ARHGEF26: variants seen among roughly 807,000 people sequenced by gnomAD.
ARHGEF26 encodes Rho guanine nucleotide exchange factor 26, also known as Rho guanine nucleotide exchange factor (GEF) 26.
ARHGEF26 carries 59 observed loss-of-function variants against 89.4 expected under a neutral mutation model. That is an observed-to-expected ratio of 0.66 (90% CI 0.54 to 0.82). The LOEUF is 0.82. Ranked by LOEUF, ARHGEF26 falls within the 40% of genes least tolerant of loss-of-function variation. The pLI, the probability that ARHGEF26 is intolerant of heterozygous loss-of-function variation, is 0.00. For missense variants in ARHGEF26, 1,234 were observed against 1,085.6 expected (o/e 1.14, Z -1.92); for synonymous variants, 500 against 428.4 (o/e 1.17, Z -2.06).
intron 5 of ARHGEF26, among the ~76,000 whole-genome samples, chr3:154,150,334 T>A (rs1324802149): frequency 1.3e-5 from 2 of 152,094 alleles, no homozygotes; most frequent in Non-Finnish European, 2.9e-5. Flanking sequence ...AGGCCTGCAT[T>A]CTCTTCCTCA....
At chr3:154,226,033 T>G (rs745643156) in intron 11 of ARHGEF26, 23 bp downstream of exon 11, 1 of 1,593,124 alleles carries the variant, frequency 6.3e-7, no homozygotes, top group East Asian at 2.3e-5. Flanking sequence ...CTGGTGTTGC[T>G]GACTAGACAT....
intron 10 of ARHGEF26, among the ~76,000 whole-genome samples, chr3:154,219,235 A>G (rs561997804): frequency 2.0e-5 from 3 of 152,276 alleles, no homozygotes; most frequent in Non-Finnish European, 4.4e-5. Context: ...GAAAGATGAA[A>G]AATTCCCTAA....
chr3:154,255,842 T>C lies in ARHGEF26; in HGVS notation c.*369T>C, dbSNP rs1054706718. On this transcript the variant is annotated 3_prime_UTR_variant, in exon 15 of 15. Coordinates refer to ENST00000465093, the MANE Select transcript of ARHGEF26 (RefSeq NM_015595.4). Reference sequence around the variant, plus strand: ...GCATTACTAAGGTGACTGTCTCTCTTTATACATCCTTGTATGGTTCTCCCA... The same window carrying C: ...GCATTACTAAGGTGACTGTCTCTCTCTATACATCCTTGTATGGTTCTCCCA... 8.8e-6 allele frequency: 9 copies of C among 1,024,316 alleles called. No individual in the cohort carries two copies. The highest frequency in any genetic ancestry group is 8.5e-5 in the African/African-American group (5 of 58,612). 63.5% of individuals were successfully genotyped at this position (1,024,316 alleles called of 1,614,324 possible). A position where few individuals can be genotyped will look rare whatever the true frequency, so the allele number is the denominator to read the frequency against.
In ARHGEF26 at chr3:154,202,579, G is replaced by A. The variant is rs1283459155; in HGVS notation, c.1845+7861G>A. On this transcript the variant is annotated intron_variant, in intron 9 of 14. Coordinates refer to ENST00000465093, the MANE Select transcript of ARHGEF26 (RefSeq NM_015595.4). Reference sequence around the variant, plus strand: ...TTGATGGGGATGGCATTGAATCTATGAATTACCTTGGGCAGTATGGCCATT... The same window carrying A: ...TTGATGGGGATGGCATTGAATCTATAAATTACCTTGGGCAGTATGGCCATT... 6.6e-5 allele frequency among the ~76,000 whole-genome samples: 10 copies of A among 152,136 alleles called. No individual in the cohort carries two copies. In the South Asian group the frequency reaches 1.2e-3, roughly 19 times the overall value.
At chr3:154,179,099 T>G (rs1339252590) in intron 6 of ARHGEF26, among the ~76,000 whole-genome samples, 1 of 152,230 alleles carries the variant, frequency 6.6e-6, no homozygotes, top group Non-Finnish European at 1.5e-5. Context: ...TGTTTCATTA[T>G]ACAAGTCAGT....
intron 4 of ARHGEF26, among the ~76,000 whole-genome samples, chr3:154,145,035 A>G (rs1719616018): frequency 2.0e-5 from 3 of 152,206 alleles, no homozygotes; most frequent in African/African-American, 7.2e-5. Context: ...TTGGTTATGC[A>G]GATCTCTGGC....
chr3:154,217,819 G>T, intron 9 of ARHGEF26, 50 bp from the exon 10 acceptor site: 1 of 1,393,708 alleles, frequency 7.2e-7, no homozygotes, highest in Non-Finnish European at 1.0e-6. Context: ...TTTTGAAAGT[G>T]AGGTTTCTCT....
intron 4 of ARHGEF26, among the ~76,000 whole-genome samples, chr3:154,148,531 C>T (rs901485968): frequency 7.9e-5 from 12 of 152,074 alleles, no homozygotes; most frequent in African/African-American, 1.9e-4. Context: ...CTGTGTAGGT[C>T]GCTAAGCCCA....
intron 12 of ARHGEF26, among the ~76,000 whole-genome samples, chr3:154,247,476 G>C (rs762159462): frequency 6.6e-6 from 1 of 152,092 alleles, no homozygotes; most frequent in Non-Finnish European, 1.5e-5. Context: ...TGGCCTCCTA[G>C]CCATTCTCCT....
At chr3:154,242,313 A>G (rs1332868495) in intron 12 of ARHGEF26, among the ~76,000 whole-genome samples, 2 of 152,222 alleles carry the variant, frequency 1.3e-5, no homozygotes, top group African/African-American at 4.8e-5. Context: ...TCATAATTTC[A>G]TGGGAGGAGA....
intron 10 of ARHGEF26, among the ~76,000 whole-genome samples, chr3:154,221,254 T>C (rs1055026181): frequency 6.6e-6 from 1 of 152,064 alleles, no homozygotes; most frequent in African/African-American, 2.4e-5. Flanking sequence ...CAGAGGAAAA[T>C]TGCTAATTGA....
intron 4 of ARHGEF26, among the ~76,000 whole-genome samples, chr3:154,137,520 T>A (rs1719085505): frequency 6.6e-6 from 1 of 152,170 alleles, no homozygotes; most frequent in Non-Finnish European, 1.5e-5. Context: ...GAATTACTAC[T>A]CTAGCTAAGA....
chr3:154,182,315 A>G (rs974885507), intron 6 of ARHGEF26, among the ~76,000 whole-genome samples: 1 of 152,190 alleles, frequency 6.6e-6, no homozygotes, highest in Non-Finnish European at 1.5e-5. Flanking sequence ...AATCTGATGC[A>G]TGAAGGATGA....
Position 154,122,369 on chromosome 3 carries a change from A to G in ARHGEF26, c.377A>G (p.Lys126Arg). Residue 126 changes from lysine to arginine, a missense_variant, in exon 2 of 15, where the codon AAA (lysine) becomes AGA (arginine). Lys to Arg is a conservative substitution (Grantham distance 26, BLOSUM62 2). Coordinates refer to ENST00000465093, the MANE Select transcript of ARHGEF26 (RefSeq NM_015595.4). ...LPKAVPGGSP[K>R]SPANGAVTLP... The stretch of plus-strand genomic sequence containing the variant: ...AAAGCGGTGCCTGGCGGCTCCCCGA[A>G]ATCCCCAGCAAATGGCGCGGTGACC... The G allele has an allele frequency of 6.2e-7, 1 of 1,612,344 alleles. No individual in the cohort carries two copies. The highest frequency in any genetic ancestry group is 8.5e-7 in the Non-Finnish European group (1 of 1,179,590).
intron 9 of ARHGEF26, among the ~76,000 whole-genome samples, chr3:154,214,627 G>A (rs1025577622): frequency 1.3e-5 from 2 of 152,140 alleles, no homozygotes; most frequent in Non-Finnish European, 2.9e-5. Flanking sequence ...TTAAGAAGAG[G>A]TGCCGTGTAG....
rs769833759 is a variant in ARHGEF26 at position 154,122,559 on chromosome 3, G to C, written c.567G>C (p.Ser189=). ...ATAACGACTCTCCTGGGTCAGGTTC[G>C]CAGTCCGGCCGGAAGGCAAAGGACC... ...AANNDSPGSG[S]QSGRKAKDPE... Residue 189 remains serine, a synonymous_variant, in exon 2 of 15, where the codon TCG becomes TCC. Transcript: ENST00000465093. The C allele has an allele frequency of 6.2e-7, 1 of 1,613,570 alleles. No individual in the cohort carries two copies. Among genetic ancestry groups the C allele is most frequent in the Non-Finnish European group, 8.5e-7 (1 of 1,179,890 alleles).
chr3:154,163,227 A>G (rs973268635), intron 6 of ARHGEF26, among the ~76,000 whole-genome samples: 1 of 152,198 alleles, frequency 6.6e-6, no homozygotes, highest in African/African-American at 2.4e-5. Context: ...GTTTATATCA[A>G]TGAGCCTTTG....
At chr3:154,174,434 C>T (rs1438268767) in intron 6 of ARHGEF26, among the ~76,000 whole-genome samples, 1 of 152,208 alleles carries the variant, frequency 6.6e-6, no homozygotes, top group Non-Finnish European at 1.5e-5. Flanking sequence ...TAGCTTGATA[C>T]AATGGCTGGG....
intron 9 of ARHGEF26, among the ~76,000 whole-genome samples, chr3:154,205,626 T>G (rs868735800): frequency 5.9e-5 from 9 of 152,178 alleles, no homozygotes; most frequent in Admixed American, 2.6e-4. Context: ...TGAAGATTAT[T>G]TCATCTGATT....
Sources: gnomAD v4.1 joint callset for allele counts (sites outside exome capture counted in the v4.1 genomes callset) on GRCh38, gnomAD v4.1.1 for gene constraint, MANE v1.5 for transcripts, NCBI Gene and HGNC (gene_info 2026-07-23, HGNC 2026-07-21) for gene names.